The following SENP6 variants were observed in gnomAD, a reference collection of about 807,000 sequenced individuals.
The protein encoded by SENP6 is SUMO specific peptidase 6.
SENP6 carries 41 observed loss-of-function variants against 134.5 expected under a neutral mutation model. The ratio of observed to expected loss-of-function variants is 0.30; its 90% CI spans 0.24 to 0.40. The LOEUF (loss-of-function observed/expected upper bound fraction) is 0.40. Ranked by LOEUF, SENP6 falls within the 10% of genes least tolerant of loss-of-function variation. The pLI, the probability that SENP6 is intolerant of heterozygous loss-of-function variation, is 1.00. For missense variants in SENP6, 1,248 were observed against 1,312.5 expected, an observed-to-expected ratio of 0.95 and a Z score of 0.76; for synonymous variants, 395 against 429.8, an observed-to-expected ratio of 0.92 and a Z score of 1.00.
intron 11 of SENP6, 126 bp from the exon 12 acceptor site, chr6:75,675,309 A>G: frequency 1.8e-6 from 1 of 570,224 alleles, no homozygotes; most frequent in Middle Eastern, 2.8e-4. Flanking sequence ...ATGTTATACC[A>G]ACTTCTCTGT....
At chr6:75,666,051 AT>A (rs1167912100) in intron 9 of SENP6, among the ~76,000 whole-genome samples, 4 of 144,668 alleles carry the variant, frequency 2.8e-5, no homozygotes, top group African/African-American at 1.0e-4. Context: ...TTATATATAT[AT>A]GATATATAAA....
At chr6:75,626,713 C>G (rs1768724145) in intron 3 of SENP6, among the ~76,000 whole-genome samples, 1 of 152,092 alleles carries the variant, frequency 6.6e-6, no homozygotes, top group Admixed American at 6.5e-5. Context: ...TAGATACTGC[C>G]AAATTCCCTA....
intron 6 of SENP6, chr6:75,646,866 A>G (rs933683915): frequency 1.3e-5 from 2 of 151,952 alleles, no homozygotes; most frequent in African/African-American, 2.4e-5. Flanking sequence ...GTACACTACT[A>G]TCTCCACCCA....
chr6:75,630,555 A>G (rs1769035271), intron 3 of SENP6, among the ~76,000 whole-genome samples: 1 of 152,086 alleles, frequency 6.6e-6, no homozygotes, highest in African/African-American at 2.4e-5. Flanking sequence ...TTCTTTTCTC[A>G]GGTCCATATG....
intron 1 of SENP6, among the ~76,000 whole-genome samples, chr6:75,616,764 A>G (rs1767881126): frequency 6.6e-6 from 1 of 151,114 alleles, no homozygotes; most frequent in African/African-American, 2.4e-5. Flanking sequence ...AAAAAAAAAA[A>G]GGAATTGTGT....
At chr6:75,607,226 G>C (rs1215441510) in intron 1 of SENP6, among the ~76,000 whole-genome samples, 1 of 152,024 alleles carries the variant, frequency 6.6e-6, no homozygotes, top group Non-Finnish European at 1.5e-5. Context: ...TTGAGCCCAG[G>C]AGGGCGAGGC....
intron 11 of SENP6, among the ~76,000 whole-genome samples, chr6:75,674,690 T>C: frequency 6.6e-6 from 1 of 152,238 alleles, no homozygotes; most frequent in Non-Finnish European, 1.5e-5. Context: ...ATGCAATCTT[T>C]AGAAAGTATG....
chr6:75,682,174 C>T (rs982158159), intron 16 of SENP6, among the ~76,000 whole-genome samples: 3 of 151,706 alleles, frequency 2.0e-5, no homozygotes, highest in Non-Finnish European at 2.9e-5. Flanking sequence ...AGGAATGATC[C>T]ACCAAGAAAA....
Position 75,602,394 on chromosome 6 carries a change from C to G in SENP6, c.-131C>G, listed in dbSNP as rs1766689657. On this transcript the variant is annotated 5_prime_UTR_variant, in exon 1 of 24. Transcript: ENST00000447266. Reference sequence around the variant, plus strand: ...GCCCGTCTGAACGTGGGAGCGCAGCCCGCCTGACGGCTGAGCCCGAGGCCC... The same window carrying G: ...GCCCGTCTGAACGTGGGAGCGCAGCGCGCCTGACGGCTGAGCCCGAGGCCC... 1 of 1,074,708 alleles carries G rather than the reference C, an allele frequency of 9.3e-7. No homozygotes were observed. Among genetic ancestry groups the G allele is most frequent in the Admixed American group, 2.2e-5 (1 of 45,278 alleles). The allele number at this position is 1,074,708 out of a possible 1,614,324, so 66.6% of individuals were successfully genotyped here. A position where few individuals can be genotyped will look rare whatever the true frequency, so the allele number is the denominator to read the frequency against.
chr6:75,706,419 T>C lies in SENP6; in HGVS notation c.2717-3108T>C, dbSNP rs72654746. Reference sequence around the variant, plus strand: ...TTACATACTTTAATGTGAATTCAAATGAATTAAGGTACTTGACTTAAAGCA... The same window carrying C: ...TTACATACTTTAATGTGAATTCAAACGAATTAAGGTACTTGACTTAAAGCA... On this transcript the variant is annotated intron_variant, in intron 19 of 23. Transcript: ENST00000447266. Among the ~76,000 whole-genome samples the C allele has an allele frequency of 0.011, 1,603 of 152,268 alleles. 60 individuals carry two copies. In the East Asian group the frequency reaches 0.14, roughly 13 times the overall value.
At chr6:75,640,933 AC>A (rs574332620) in intron 6 of SENP6, among the ~76,000 whole-genome samples, 34 of 152,272 alleles carry the variant, frequency 2.2e-4, no homozygotes, top group African/African-American at 7.9e-4. Flanking sequence ...TATATCCATC[AC>A]CTCAAACATT....
chr6:75,608,691 CTG>C (rs1767218677), intron 1 of SENP6, among the ~76,000 whole-genome samples: 1 of 151,352 alleles, frequency 6.6e-6, no homozygotes, highest in Non-Finnish European at 1.5e-5. Context: ...CTTAACTTCT[CTG>C]TTTTCTCAGC....
chr6:75,715,201 A>G (rs1356113426), intron 23 of SENP6, among the ~76,000 whole-genome samples, 184 bp from the exon 24 acceptor site: 3 of 152,308 alleles, frequency 2.0e-5, no homozygotes, highest in African/African-American at 4.8e-5. Flanking sequence ...TATAAGATCT[A>G]TGATAGAAAC....
chr6:75,608,661 A>G (rs1053290561), intron 1 of SENP6, among the ~76,000 whole-genome samples: 3 of 148,358 alleles, frequency 2.0e-5, no homozygotes, highest in Admixed American at 6.6e-5. Context: ...CTTGTTAGCT[A>G]TGTGATCTTG....
chr6:75,641,835 C>A (rs1770053554), intron 6 of SENP6, among the ~76,000 whole-genome samples: 1 of 151,748 alleles, frequency 6.6e-6, no homozygotes, highest in African/African-American at 2.4e-5. Flanking sequence ...AATAATTGGC[C>A]TGGAGTAGGT....
At chr6:75,703,480 T>G (rs1775183482) in intron 19 of SENP6, among the ~76,000 whole-genome samples, 1 of 151,632 alleles carries the variant, frequency 6.6e-6, no homozygotes, top group Non-Finnish European at 1.5e-5. Flanking sequence ...GAGAACCTGA[T>G]CAGGGCACAG....
chr6:75,603,215 T>G (rs1766770662), intron 1 of SENP6, among the ~76,000 whole-genome samples: 1 of 152,184 alleles, frequency 6.6e-6, no homozygotes. Context: ...AATTTGAGTT[T>G]TACTCACTCG....
Position 75,639,546 on chromosome 6 carries a change from C to T in SENP6, c.459-1138C>T, listed in dbSNP as rs372094515. Among the ~76,000 whole-genome samples, 560 of 151,996 alleles carry T rather than the reference C, an allele frequency of 3.7e-3. 4 individuals carry two copies. Among genetic ancestry groups the T allele is most frequent in the African/African-American group, 0.013 (535 of 41,492 alleles). ...TGGGGATTTTGTAAATTATGCTTTG[C>T]TTACAGTTAGTTCCAAATATTTCAT... On this transcript the variant is annotated intron_variant, in intron 5 of 23. Coordinates refer to ENST00000447266, the MANE Select transcript of SENP6 (RefSeq NM_015571.4).
chr6:75,659,508 A>G, intron 8 of SENP6, 101 bp downstream of exon 8: 1 of 1,133,088 alleles, frequency 8.8e-7, no homozygotes, highest in Non-Finnish European at 1.2e-6. Flanking sequence ...TCATAGGACC[A>G]GAAGAGACTT....
Sources: allele counts gnomAD v4.1 joint callset (sites outside exome capture counted in the v4.1 genomes callset), GRCh38; gene constraint gnomAD v4.1.1; transcripts MANE v1.5; gene names NCBI Gene and HGNC (gene_info 2026-07-23, HGNC 2026-07-21).